ZGRF1: variants seen among roughly 807,000 people sequenced by gnomAD.
The protein encoded by ZGRF1 is zinc finger GRF-type containing 1.
In ZGRF1, 196 loss-of-function variants were observed where a neutral mutation model predicts 203.5. The ratio of observed to expected loss-of-function variants is 0.96; its 90% CI spans 0.86 to 1.08. ZGRF1 has a LOEUF of 1.08. Among genes scored for constraint, ZGRF1 ranks in the 50% least tolerant of loss-of-function variants. The pLI is 0.00. For missense variants in ZGRF1, 2,326 were observed against 2,416.3 expected, an observed-to-expected ratio of 0.96 and a Z score of 0.78; for synonymous variants, 809 against 841.3, an observed-to-expected ratio of 0.96 and a Z score of 0.66.
rs961934970 is a variant in ZGRF1 at position 112,617,372 on chromosome 4, A to C, written c.2602+68T>G. ...TTCTTTAATGTATCACCCAGAGCTA[A>C]TATCTTCTTTCTTTATAGCTCAAAG... On this transcript the variant is annotated intron_variant, in intron 6 of 27. Coordinates refer to ENST00000505019, the MANE Select transcript of ZGRF1 (RefSeq NM_018392.5). The C allele has an allele frequency of 2.6e-6, 3 of 1,165,174 alleles. No individual in the cohort carries two copies. The East Asian group carries it at 7.2e-5, about 28-fold the overall frequency. The allele number at this position is 1,165,174 out of a possible 1,614,324, so 72.2% of individuals were successfully genotyped here. A position where few individuals can be genotyped will look rare whatever the true frequency, so the allele number is the denominator to read the frequency against.
chr4:112,560,584 A>G (rs76491181), intron 19 of ZGRF1, 149 bp downstream of exon 19: 661 of 636,212 alleles, frequency 1.0e-3, no homozygotes, highest in Non-Finnish European at 1.6e-3. Context: ...TTCTCATCTA[A>G]CAGTTTACCA....
intron 22 of ZGRF1, among the ~76,000 whole-genome samples, chr4:112,551,254 T>C (rs1051789933): frequency 2.6e-5 from 4 of 152,230 alleles, no homozygotes; most frequent in Non-Finnish European, 5.9e-5. Context: ...TAGCCTAGTG[T>C]GTAGTAGGCT....
intron 16 of ZGRF1, among the ~76,000 whole-genome samples, chr4:112,568,636 G>C (rs902437921): frequency 6.6e-6 from 1 of 150,766 alleles, no homozygotes; most frequent in Non-Finnish European, 1.5e-5. Flanking sequence ...GCTTGAACCC[G>C]GGAGGTGGAG....
Position 112,585,829 on chromosome 4 carries a change from G to A in ZGRF1, c.3917-104C>T, listed in dbSNP as rs559019773. On this transcript the variant is annotated intron_variant, in intron 13 of 27. Coordinates refer to ENST00000505019, the MANE Select transcript of ZGRF1 (RefSeq NM_018392.5). ...TAAATTTGAATAGCCTTTAAACAGA[G>A]TCATATAATAGGAATATCCGTTTTT... is the stretch of plus-strand genomic sequence containing the variant. 4.7e-5 allele frequency: 30 copies of A among 642,918 alleles called. No individual in the cohort carries two copies. In the South Asian group the frequency reaches 1.3e-3, roughly 28 times the overall value. The allele number at this position is 642,918 out of a possible 1,614,324, so 39.8% of individuals were successfully genotyped here.
intron 6 of ZGRF1, 55 bp from the exon 7 acceptor site, chr4:112,612,643 A>C: frequency 9.1e-7 from 1 of 1,102,596 alleles, no homozygotes; most frequent in Non-Finnish European, 1.3e-6. Context: ...AGTACTCTAA[A>C]ATTTAACTTA....
Position 112,581,834 on chromosome 4 carries a change from G to GT in ZGRF1, c.4299-33dup, listed in dbSNP as rs756162609. ...AGGGAATAAAAAATAAAAATGAATT[G>GT]TAATATTAAGATGCAAGTTTTTTGA... is the stretch of plus-strand genomic sequence containing the variant. On this transcript the variant is annotated intron_variant, in intron 15 of 27. Coordinates refer to ENST00000505019, the MANE Select transcript of ZGRF1 (RefSeq NM_018392.5). The GT allele has an allele frequency of 7.0e-6, 8 of 1,140,114 alleles. No individual in the cohort carries two copies. In the South Asian group the frequency reaches 1.4e-4, roughly 20 times the overall value. 70.6% of individuals were successfully genotyped at this position (1,140,114 alleles called of 1,614,324 possible). A position where few individuals can be genotyped will look rare whatever the true frequency, so the allele number is the denominator to read the frequency against.
chr4:112,569,527 G>C (rs1217172827), intron 16 of ZGRF1, among the ~76,000 whole-genome samples: 2 of 152,162 alleles, frequency 1.3e-5, no homozygotes, highest in Non-Finnish European at 2.9e-5. Context: ...TCAACTGGGG[G>C]CAGGGCGGGC....
At chr4:112,614,809 A>G (rs2046811903) in intron 6 of ZGRF1, among the ~76,000 whole-genome samples, 1 of 151,620 alleles carries the variant, frequency 6.6e-6, no homozygotes, top group Non-Finnish European at 1.5e-5. Context: ...CCTGGGCAAC[A>G]GAGCGAGACT....
At position 112,558,644 on chromosome 4, in the gene ZGRF1, C is replaced by A. The variant is rs181280207; in HGVS notation, c.4961-335G>T. Reference sequence around the variant, plus strand: ...AAAGTGCTGGAATTACAGGCGTGAGCCACTGTGCCTGGTCAAACATAAATT... The same window carrying A: ...AAAGTGCTGGAATTACAGGCGTGAGACACTGTGCCTGGTCAAACATAAATT... On this transcript the variant is annotated intron_variant, in intron 19 of 27. Coordinates refer to ENST00000505019, the MANE Select transcript of ZGRF1 (RefSeq NM_018392.5). Among the ~76,000 whole-genome samples, 71 of 152,330 alleles carry A rather than the reference C, an allele frequency of 4.7e-4. No individual in the cohort carries two copies. In the East Asian group the frequency reaches 0.013, roughly 27 times the overall value.
At chr4:112,548,636 C>T (rs1452307219) in intron 22 of ZGRF1, among the ~76,000 whole-genome samples, 1 of 150,334 alleles carries the variant, frequency 6.7e-6, no homozygotes, top group African/African-American at 2.5e-5. Flanking sequence ...GATATTCAGA[C>T]GGAAAGTATC....
In ZGRF1 at chr4:112,584,178, A is replaced by C. The variant is rs1746762695; in HGVS notation, c.4102-4T>G. Reference sequence around the variant, plus strand: ...CACATGTATAAAAGAGACGACCCTAAGGGGAAAGAAAAAAGATCAACATTT... The same window carrying C: ...CACATGTATAAAAGAGACGACCCTACGGGGAAAGAAAAAAGATCAACATTT... On this transcript the variant is annotated splice_polypyrimidine_tract_variant and splice_region_variant and intron_variant, in intron 14 of 27. Coordinates refer to ENST00000505019, the MANE Select transcript of ZGRF1 (RefSeq NM_018392.5). 1.3e-6 allele frequency: 2 copies of C among 1,554,696 alleles called. No homozygotes were observed. Among genetic ancestry groups the C allele is most frequent in the East Asian group, 2.3e-5 (1 of 44,246 alleles).
chr4:112,608,226 T>A (rs1751053347), intron 8 of ZGRF1, among the ~76,000 whole-genome samples: 1 of 152,176 alleles, frequency 6.6e-6, no homozygotes, highest in African/African-American at 2.4e-5. Flanking sequence ...AACAGACTTT[T>A]AAAAAATATA....
At chr4:112,634,274 T>C (rs2047506229) in intron 1 of ZGRF1, among the ~76,000 whole-genome samples, 1 of 152,204 alleles carries the variant, frequency 6.6e-6, no homozygotes, top group African/African-American at 2.4e-5. Flanking sequence ...GGCACCCAGC[T>C]TGGTGTGGAT....
chr4:112,609,632 C>T (rs1423011857), intron 7 of ZGRF1, among the ~76,000 whole-genome samples: 1 of 151,464 alleles, frequency 6.6e-6, no homozygotes, highest in Non-Finnish European at 1.5e-5. Flanking sequence ...ATGGTGAAAC[C>T]CTGTCTCTAC....
chr4:112,569,289 T>C (rs1743782682), intron 16 of ZGRF1, among the ~76,000 whole-genome samples: 2 of 152,234 alleles, frequency 1.3e-5, no homozygotes, highest in Non-Finnish European at 2.9e-5. Flanking sequence ...TATTGGTCTG[T>C]AACAAGAAGC....
chr4:112,614,136 G>A (rs2046784902), intron 6 of ZGRF1, among the ~76,000 whole-genome samples: 3 of 150,882 alleles, frequency 2.0e-5, no homozygotes, highest in Admixed American at 2.0e-4. Context: ...TTCTAAATTG[G>A]TGGCAAAATT....
chr4:112,617,697 A>G lies in ZGRF1; in HGVS notation c.2345T>C (p.Ile782Thr). 2 of 1,614,072 alleles carry G rather than the reference A, an allele frequency of 1.2e-6. No individual in the cohort carries two copies. The highest frequency in any genetic ancestry group is 1.7e-6 in the Non-Finnish European group (2 of 1,179,980). Residue 782 changes from isoleucine (I) to threonine (T), a missense_variant, in exon 6 of 28, where the codon ATA becomes ACA. Physicochemically the swap from Ile to Thr is moderately conservative, Grantham distance 89 (BLOSUM62 -1). Coordinates refer to ENST00000505019, the MANE Select transcript of ZGRF1 (RefSeq NM_018392.5). ...HLISKDTEAH[I>T]SEPEDLGKIR... The stretch of plus-strand genomic sequence containing the variant: ...CTTTCCCAAATCTTCAGGTTCAGAT[A>G]TATGTGCTTCTGTGTCTTTGGAAAT...
chr4:112,541,067 T>C, intron 25 of ZGRF1, 25 bp downstream of exon 25: 1 of 1,551,622 alleles, frequency 6.4e-7, no homozygotes, highest in South Asian at 1.2e-5. Flanking sequence ...CCATGTTGAC[T>C]CTCATCAACA....
Position 112,631,912 on chromosome 4 carries a change from C to T in ZGRF1, c.102+18G>A. ...GAACCTTGCTCTTGCACCCTATAGTCAACTGCTTTGTACTCACTTTGTTTC... is the reference window on the plus strand; with the variant it reads ...GAACCTTGCTCTTGCACCCTATAGTTAACTGCTTTGTACTCACTTTGTTTC... On this transcript the variant is annotated intron_variant, in intron 3 of 27. Coordinates refer to ENST00000505019, the MANE Select transcript of ZGRF1 (RefSeq NM_018392.5). 6.7e-7 allele frequency: 1 copy of T among 1,490,576 alleles called. No individual in the cohort carries two copies. The highest frequency in any genetic ancestry group is 9.1e-7 in the Non-Finnish European group (1 of 1,098,524). 92.3% of individuals were successfully genotyped at this position (1,490,576 alleles called of 1,614,324 possible). A position where few individuals can be genotyped will look rare whatever the true frequency, so the allele number is the denominator to read the frequency against.
Sources: allele counts gnomAD v4.1 joint callset (sites outside exome capture counted in the v4.1 genomes callset), GRCh38; gene constraint gnomAD v4.1.1; transcripts MANE v1.5; gene names NCBI Gene and HGNC (gene_info 2026-07-23, HGNC 2026-07-21).